The following PCDHAC2 variants were observed in gnomAD, a reference collection of about 807,000 sequenced individuals.
PCDHAC2 encodes the protein protocadherin alpha subfamily C, 2.
In PCDHAC2, 24 loss-of-function variants were observed where a neutral mutation model predicts 63.3. That is an observed-to-expected ratio of 0.38 (90% CI 0.27 to 0.53). The LOEUF is 0.53. PCDHAC2 is among the 20% of genes least tolerant of loss of function. The pLI is 0.81. For synonymous variants in PCDHAC2, 569 were observed against 529.4 expected (o/e 1.07, Z -1.03); for missense variants, 1,181 against 1,275.2 (o/e 0.93, Z 1.12).
chr5:140,968,768 C>T lies in PCDHAC2; in HGVS notation c.2002C>T (p.Pro668Ser). 6.2e-7 allele frequency: 1 copy of T among 1,614,174 alleles called. No homozygotes were observed. Among genetic ancestry groups the T allele is most frequent in the South Asian group, 1.1e-5 (1 of 91,080 alleles). Residue 668 changes from proline to serine, a missense_variant, in exon 1 of 4, where the codon CCA becomes TCA. Pro to Ser is a moderately conservative substitution (Grantham distance 74, BLOSUM62 -1). This residue lies in a region of PCDHAC2 where 968 missense variants were observed against 1,073.5 expected (regional missense o/e 0.90). Coordinates refer to ENST00000289269, the MANE Select transcript of PCDHAC2 (RefSeq NM_018899.6). ...LTVVVRDNGE[P>S]SLSASVAITV... ...CGTGGTGGTCCGAGATAATGGAGAG[C>T]CATCACTATCAGCCTCTGTGGCCAT...
chr5:140,975,612 C>T (rs1554236918), intron 1 of PCDHAC2, among the ~76,000 whole-genome samples: 1 of 152,194 alleles, frequency 6.6e-6, no homozygotes, highest in Non-Finnish European at 1.5e-5. Flanking sequence ...ATGTCTTCCA[C>T]ATGGATTTCC....
chr5:140,977,012 TTC>T (rs2096742095), intron 1 of PCDHAC2, among the ~76,000 whole-genome samples: 1 of 152,220 alleles, frequency 6.6e-6, no homozygotes, highest in African/African-American at 2.4e-5. Context: ...GTAACTGTGA[TTC>T]TGTCAAATGA....
intron 3 of PCDHAC2, among the ~76,000 whole-genome samples, chr5:141,002,467 G>A (rs1266754067): frequency 6.6e-6 from 1 of 152,202 alleles, no homozygotes; most frequent in African/African-American, 2.4e-5. Context: ...TAACGCTTTA[G>A]CATTTTCAAA....
At chr5:140,975,560 A>T (rs1302523568) in intron 1 of PCDHAC2, among the ~76,000 whole-genome samples, 1 of 152,238 alleles carries the variant, frequency 6.6e-6, no homozygotes, top group Non-Finnish European at 1.5e-5. Flanking sequence ...AAGGAAAAGG[A>T]GATATTATAT....
At chr5:140,969,436 A>G (rs1289383219) in intron 1 of PCDHAC2, 105 bp downstream of exon 1, 2 of 1,549,954 alleles carry the variant, frequency 1.3e-6, no homozygotes, top group Non-Finnish European at 1.7e-6. Flanking sequence ...GACAAGAGTT[A>G]TCTGGTAAAC....
In PCDHAC2 at chr5:140,968,167, A is replaced by G. The variant is rs782252124; in HGVS notation, c.1401A>G (p.Pro467=). 1.3e-4 allele frequency: 217 copies of G among 1,613,958 alleles called. 1 individual carries two copies. The highest frequency in any genetic ancestry group is 9.3e-6 in the Non-Finnish European group (11 of 1,180,038). Residue 467 remains proline (P), a synonymous_variant, in exon 1 of 4, where the codon CCA becomes CCG. Transcript: ENST00000289269. The part of the protein sequence containing the change: ...VEISDINDNP[P]SFLEDSYSIY... ...TCTCTGACATCAATGACAATCCACC[A>G]AGCTTCCTGGAGGACTCCTATTCCA...
Position 140,968,106 on chromosome 5 carries a change from C to A in PCDHAC2, c.1340C>A (p.Pro447Gln). 6.2e-7 allele frequency: 1 copy of A among 1,614,134 alleles called. No homozygotes were observed. Among genetic ancestry groups the A allele is most frequent in the Non-Finnish European group, 8.5e-7 (1 of 1,180,026 alleles). The change falls in exon 1 of 4, where the codon CCG becomes CAG. Residue 447 changes from proline (P) to glutamine (Q), a missense_variant. By Grantham distance (76) the Pro-to-Gln change is moderately conservative. This residue lies in a region of PCDHAC2 where 968 missense variants were observed against 1,073.5 expected (regional missense o/e 0.90). Coordinates refer to ENST00000289269, the MANE Select transcript of PCDHAC2 (RefSeq NM_018899.6). ...GTGACAGCCACAGATGGGGGAATACCGCAGCTCACATCCCTGCGTACACTG... is the reference window on the plus strand; with the variant it reads ...GTGACAGCCACAGATGGGGGAATACAGCAGCTCACATCCCTGCGTACACTG... ...ITVTATDGGI[P>Q]QLTSLRTLKV...
chr5:140,968,520 C>A lies in PCDHAC2; in HGVS notation c.1754C>A (p.Thr585Asn). The change falls in exon 1 of 4, where the codon ACC (threonine) becomes AAC (asparagine). Residue 585 changes from threonine (T) to asparagine (N), a missense_variant. This residue lies in a region of PCDHAC2 where 968 missense variants were observed against 1,073.5 expected (regional missense o/e 0.90). Coordinates refer to ENST00000289269, the MANE Select transcript of PCDHAC2 (RefSeq NM_018899.6). ...CCTCACATTCTGTACCCTACCTCAACCAACTCGTCAGCAGCCTTCGAGATG... is the reference window on the plus strand; with the variant it reads ...CCTCACATTCTGTACCCTACCTCAAACAACTCGTCAGCAGCCTTCGAGATG... ...HAPHILYPTSTNSSAAFEMVP... is the reference protein window; with the variant it reads ...HAPHILYPTSNNSSAAFEMVP... 1 of 1,614,194 alleles carries A rather than the reference C, an allele frequency of 6.2e-7. No homozygotes were observed. Among genetic ancestry groups the A allele is most frequent in the Non-Finnish European group, 8.5e-7 (1 of 1,180,030 alleles).
At chr5:140,988,058 A>G (rs2097280755) in intron 3 of PCDHAC2, among the ~76,000 whole-genome samples, 1 of 152,200 alleles carries the variant, frequency 6.6e-6, no homozygotes, top group African/African-American at 2.4e-5. Flanking sequence ...CACTGTCAAC[A>G]TGAATTTTTC....
intron 3 of PCDHAC2, among the ~76,000 whole-genome samples, chr5:140,999,672 C>T (rs2153958475): frequency 6.6e-6 from 1 of 152,214 alleles, no homozygotes; most frequent in South Asian, 2.1e-4. Context: ...TTGCGGGGGG[C>T]TCACAGAAAG....
At chr5:140,969,819 A>G (rs2096362307) in intron 1 of PCDHAC2, among the ~76,000 whole-genome samples, 1 of 152,168 alleles carries the variant, frequency 6.6e-6, no homozygotes, top group African/African-American at 2.4e-5. Context: ...TATACTCTGG[A>G]CTGTCTACAG....
chr5:140,993,281 C>T (rs2097548459), intron 3 of PCDHAC2, among the ~76,000 whole-genome samples: 1 of 152,102 alleles, frequency 6.6e-6, no homozygotes. Flanking sequence ...TCTTTTCTTG[C>T]CCAGGGTCAC....
intron 3 of PCDHAC2, among the ~76,000 whole-genome samples, chr5:140,992,876 A>G (rs1370116402): frequency 6.6e-6 from 1 of 152,178 alleles, no homozygotes; most frequent in Admixed American, 6.5e-5. Flanking sequence ...CCTCCTTGAT[A>G]TTCTAAACAA....
rs1404110882 is a variant in PCDHAC2 at position 140,968,973 on chromosome 5, C to T, written c.2207C>T (p.Ala736Val). Residue 736 changes from alanine to valine, a missense_variant, in exon 1 of 4, where the codon GCG becomes GTG. Ala to Val is a moderately conservative substitution (Grantham distance 64). This residue lies in a region of PCDHAC2 where 968 missense variants were observed against 1,073.5 expected (regional missense o/e 0.90). Coordinates refer to ENST00000289269, the MANE Select transcript of PCDHAC2 (RefSeq NM_018899.6). ...ATCATCAAGTGCTACCGCTACACTG[C>T]GTATGGCACTGCATGCTGTGGAGGC... The part of the protein sequence containing the change: ...LSIIKCYRYT[A>V]YGTACCGGFC... 4.3e-6 allele frequency: 7 copies of T among 1,614,076 alleles called. No homozygotes were observed. Among genetic ancestry groups the T allele is most frequent in the African/African-American group, 2.7e-5 (2 of 74,922 alleles).
intron 3 of PCDHAC2, among the ~76,000 whole-genome samples, chr5:140,992,722 C>T (rs1455058842): frequency 1.3e-5 from 2 of 152,154 alleles, no homozygotes; most frequent in Non-Finnish European, 2.9e-5. Context: ...ATTCGTAAAT[C>T]CCACCTGCTT....
At chr5:141,005,956 A>G (rs1272905916) in intron 3 of PCDHAC2, among the ~76,000 whole-genome samples, 2 of 152,020 alleles carry the variant, frequency 1.3e-5, no homozygotes, top group Admixed American at 1.3e-4. Flanking sequence ...CTAACAAACA[A>G]CAATAAAAAA....
At chr5:141,007,318 A>C (rs2098314985) in intron 3 of PCDHAC2, among the ~76,000 whole-genome samples, 1 of 151,736 alleles carries the variant, frequency 6.6e-6, no homozygotes, top group South Asian at 2.1e-4. Flanking sequence ...TGGGAGGCTA[A>C]AGTGGACAGA....
rs781929029 is a variant in PCDHAC2, at chr5:140,966,923, G to A, written c.157G>A (p.Ala53Thr). The A allele has an allele frequency of 2.2e-5, 36 of 1,602,826 alleles. No homozygotes were observed. Among genetic ancestry groups the A allele is most frequent in the Non-Finnish European group, 3.0e-5 (35 of 1,178,146 alleles). ...GCGATACTCTGTGCCAGAGGAGCAGGCACCCGGCGCGCTCGTGGGCAACGT... is the reference window on the plus strand; with the variant it reads ...GCGATACTCTGTGCCAGAGGAGCAGACACCCGGCGCGCTCGTGGGCAACGT... Reference protein sequence around the residue: ...QLRYSVPEEQAPGALVGNVAR... With the variant: ...QLRYSVPEEQTPGALVGNVAR... Residue 53 changes from alanine (A) to threonine (T), a missense_variant, in exon 1 of 4, where the codon GCA becomes ACA. Ala to Thr is a moderately conservative substitution (Grantham distance 58, BLOSUM62 0). This residue lies in a region of PCDHAC2 where 210 missense variants were observed against 184.9 expected (regional missense o/e 1.14). Transcript: ENST00000289269.
Position 141,003,329 on chromosome 5 carries a change from T to C in PCDHAC2, c.2714-6298T>C, listed in dbSNP as rs571160293. On this transcript the variant is annotated intron_variant, in intron 3 of 3. Transcript: ENST00000289269. ...GGCCAGCTACTTCCAGAGGGCAGGG[T>C]TTTTTGTTTGTTTGCTCTGTCACCC... Among the ~76,000 whole-genome samples the C allele has an allele frequency of 7.2e-5, 11 of 152,118 alleles. No homozygotes were observed. The South Asian group carries it at 2.3e-3, about 32-fold the overall frequency.
Sources: allele counts gnomAD v4.1 joint callset (sites outside exome capture counted in the v4.1 genomes callset), GRCh38; gene constraint gnomAD v4.1.1; regional missense constraint gnomAD v4.1.1; transcripts MANE v1.5; gene names NCBI Gene and HGNC (gene_info 2026-07-23, HGNC 2026-07-21).